ARPC4: variants seen among roughly 807,000 people sequenced by gnomAD.
ARPC4 encodes the protein actin-related protein 2/3 complex subunit 4.
Under a neutral mutation model 22.8 loss-of-function variants are expected in ARPC4, and 3 were observed. The ratio of observed to expected loss-of-function variants is 0.13; its 90% CI spans 0.06 to 0.34. ARPC4 has a LOEUF of 0.34. Ranked by LOEUF, ARPC4 falls within the 10% of genes least tolerant of loss-of-function variation. ARPC4 has a pLI of 1.00. For missense variants in ARPC4, 98 were observed against 211.0 expected, an observed-to-expected ratio of 0.46 and a Z score of 3.32; for synonymous variants, 80 against 72.5, an observed-to-expected ratio of 1.10 and a Z score of -0.52.
intron 1 of ARPC4, among the ~76,000 whole-genome samples, chr3:9,795,876 A>G (rs1330470597): frequency 6.6e-6 from 1 of 152,022 alleles, no homozygotes; most frequent in African/African-American, 2.4e-5. Context: ...TGGGCGGGTC[A>G]CTTGAGGTCA....
chr3:9,796,389 C>T (rs1304132506), intron 1 of ARPC4, among the ~76,000 whole-genome samples: 1 of 152,004 alleles, frequency 6.6e-6, no homozygotes, highest in Non-Finnish European at 1.5e-5. Context: ...AGCGAGACTC[C>T]CTCTCAAAAA....
At chr3:9,797,811 G>T (rs749847298) in intron 2 of ARPC4, 34 bp downstream of exon 2, 4 of 1,602,390 alleles carry the variant, frequency 2.5e-6, no homozygotes, top group South Asian at 1.1e-5. Context: ...GGGATGAGGG[G>T]TGCAGCACAC....
At chr3:9,793,288 G>A (rs747425438) in intron 1 of ARPC4, 164 bp downstream of exon 1, 3 of 1,335,528 alleles carry the variant, frequency 2.2e-6, no homozygotes, top group East Asian at 2.7e-5. Context: ...GGGGCCCGAG[G>A]TGAGGAAGGG....
chr3:9,795,136 G>C (rs2078854897), intron 1 of ARPC4, among the ~76,000 whole-genome samples: 4 of 152,144 alleles, frequency 2.6e-5, no homozygotes, highest in Admixed American at 2.0e-4. Context: ...CTCTCAAGTA[G>C]CTGAGATTAC....
At chr3:9,800,049 T>C in intron 2 of ARPC4, 136 bp from the exon 3 acceptor site, 1 of 838,738 alleles carries the variant, frequency 1.2e-6, no homozygotes, top group Non-Finnish European at 1.9e-6. Flanking sequence ...CTGGCCCCCA[T>C]CTTGGAGCAC....
Position 9,793,315 on chromosome 3 carries a change from C to G in ARPC4, c.3+191C>G. 4 of 1,168,270 alleles carry G rather than the reference C, an allele frequency of 3.4e-6. No homozygotes were observed. In the South Asian group the frequency reaches 6.5e-5, roughly 19 times the overall value. 72.4% of individuals were successfully genotyped at this position (1,168,270 alleles called of 1,614,324 possible). A position where few individuals can be genotyped will look rare whatever the true frequency, so the allele number is the denominator to read the frequency against. ...GAGGAAGGGGCGAGTGGGGGTACTCCCTGGTATGAAGTGGGCCTTGTGGCT... is the reference window on the plus strand; with the variant it reads ...GAGGAAGGGGCGAGTGGGGGTACTCGCTGGTATGAAGTGGGCCTTGTGGCT... On this transcript the variant is annotated intron_variant, in intron 1 of 5. Transcript: ENST00000397261.
intron 2 of ARPC4, 68 bp from the exon 3 acceptor site, chr3:9,800,117 C>G (rs982533108): frequency 2.6e-6 from 4 of 1,515,242 alleles, no homozygotes; most frequent in Admixed American, 3.7e-5. Context: ...ATTCCAGGAC[C>G]TGCGTGGGGT....
chr3:9,795,580 A>G (rs1256874289), intron 1 of ARPC4, among the ~76,000 whole-genome samples: 1 of 152,166 alleles, frequency 6.6e-6, no homozygotes, highest in Non-Finnish European at 1.5e-5. Flanking sequence ...TGCTTCTCAT[A>G]TACAGAAACA....
At chr3:9,798,439 TAGTC>T (rs766754347) in intron 2 of ARPC4, among the ~76,000 whole-genome samples, 7 of 151,836 alleles carry the variant, frequency 4.6e-5, no homozygotes, top group African/African-American at 9.7e-5. Flanking sequence ...TATGCAAAAA[TAGTC>T]AGGCATGGTG....
chr3:9,800,146 C>A (rs762414639), intron 2 of ARPC4, 39 bp from the exon 3 acceptor site: 1 of 1,606,194 alleles, frequency 6.2e-7, no homozygotes, highest in South Asian at 1.1e-5. Flanking sequence ...CTATTCTATC[C>A]CTCTGTAGTA....
At chr3:9,805,470 G>A (rs984345012) in intron 5 of ARPC4, among the ~76,000 whole-genome samples, 4 of 152,232 alleles carry the variant, frequency 2.6e-5, no homozygotes, top group African/African-American at 9.6e-5. Context: ...TAGCTATGGA[G>A]TGGGCTGAGT....
chr3:9,797,027 A>G (rs906789118), intron 1 of ARPC4, among the ~76,000 whole-genome samples: 1 of 152,020 alleles, frequency 6.6e-6, no homozygotes, highest in African/African-American at 2.4e-5. Flanking sequence ...TCTTCTGCAA[A>G]TATAGATTAC....
At chr3:9,801,626 G>A (rs1478486556) in intron 3 of ARPC4, 35 bp from the exon 4 acceptor site, 1 of 1,570,162 alleles carries the variant, frequency 6.4e-7, no homozygotes, top group Non-Finnish European at 8.7e-7. Flanking sequence ...TTGGGTGTCA[G>A]CTTTAGAGAA....
Position 9,806,500 on chromosome 3 carries a change from A to G in ARPC4, c.*285A>G, listed in dbSNP as rs1353776438. 1.3e-5 allele frequency: 6 copies of G among 472,036 alleles called. No individual in the cohort carries two copies. The East Asian group carries it at 2.3e-4, about 18-fold the overall frequency. 29.2% of individuals were successfully genotyped at this position (472,036 alleles called of 1,614,324 possible). On this transcript the variant is annotated 3_prime_UTR_variant, in exon 6 of 6. Coordinates refer to ENST00000397261, the MANE Select transcript of ARPC4 (RefSeq NM_005718.5). ...AACTTAAACTCTGTGCTTGTAGGATACTGTAACCTTTTTGTCTTTTTTTTT... is the reference window on the plus strand; with the variant it reads ...AACTTAAACTCTGTGCTTGTAGGATGCTGTAACCTTTTTGTCTTTTTTTTT...
chr3:9,807,072 GTC>G lies in ARPC4; in HGVS notation c.*861_*862del, dbSNP rs1374629673. On this transcript the variant is annotated 3_prime_UTR_variant, in exon 6 of 6. Coordinates refer to ENST00000397261, the MANE Select transcript of ARPC4 (RefSeq NM_005718.5). ...GTGGATCCTCCCTCCCCTAATTAAA[GTC>G]TCTTTTTGCCCCTTTGGGGCTGCAT... 1 of 152,522 alleles carries G rather than the reference GTC, an allele frequency of 6.6e-6. No homozygotes were observed. Among genetic ancestry groups the G allele is most frequent in the African/African-American group, 2.4e-5 (1 of 41,466 alleles). 9.4% of individuals were successfully genotyped at this position (152,522 alleles called of 1,614,324 possible). A position where few individuals can be genotyped will look rare whatever the true frequency, so the allele number is the denominator to read the frequency against.
At position 9,795,230 on chromosome 3, in the gene ARPC4, CCTGA is replaced by C. The variant is rs1355937171; in HGVS notation, c.3+2107_3+2110del. 3.3e-5 allele frequency among the ~76,000 whole-genome samples: 5 copies of C among 152,222 alleles called. 1 individual carries two copies. The East Asian group carries it at 9.7e-4, about 29-fold the overall frequency. ...GGCCAGGCTGGTCTTGAACTCCTGA[CCTGA>C]GGTGGTCCACCCACCTCGGCCTCCC... On this transcript the variant is annotated intron_variant, in intron 1 of 5. Coordinates refer to ENST00000397261, the MANE Select transcript of ARPC4 (RefSeq NM_005718.5).
intron 1 of ARPC4, 151 bp downstream of exon 1, chr3:9,793,275 G>C: frequency 7.2e-7 from 1 of 1,388,992 alleles, no homozygotes; most frequent in Non-Finnish European, 9.5e-7. Flanking sequence ...AAGAGACGGG[G>C]CGGGGGCCCG....
At position 9,801,615 on chromosome 3, in the gene ARPC4, C is replaced by A. The variant is rs559259643; in HGVS notation, c.235-46C>A. The A allele has an allele frequency of 1.7e-5, 27 of 1,547,544 alleles. No homozygotes were observed. In the East Asian group the frequency reaches 6.4e-4, roughly 37 times the overall value. On this transcript the variant is annotated intron_variant, in intron 3 of 5. Transcript: ENST00000397261. ...GACCAGGCTACAAGGTGTTTTTGGC[C>A]TTGGGTGTCAGCTTTAGAGAAACAT...
intron 2 of ARPC4, among the ~76,000 whole-genome samples, chr3:9,799,445 G>GTTTT (rs774857112): frequency 7.0e-6 from 1 of 142,090 alleles, no homozygotes; most frequent in Admixed American, 7.1e-5. Context: ...AAACTTTCAG[G>GTTTT]TTTTTTTTTT....
Sources: allele counts gnomAD v4.1 joint callset (sites outside exome capture counted in the v4.1 genomes callset), GRCh38; gene constraint gnomAD v4.1.1; transcripts MANE v1.5; gene names NCBI Gene and HGNC (gene_info 2026-07-23, HGNC 2026-07-21).